USP53: variants seen among roughly 807,000 people sequenced by gnomAD.
The protein encoded by USP53 is ubiquitin carboxyl-terminal hydrolase 53.
USP53 carries 71 observed loss-of-function variants against 94.9 expected under a neutral mutation model. The observed-to-expected ratio is 0.75, with a 90% CI of 0.62 to 0.91. The LOEUF (loss-of-function observed/expected upper bound fraction) is 0.91. Among genes scored for constraint, USP53 ranks in the 40% least tolerant of loss-of-function variants. The probability of loss-of-function intolerance (pLI) is 0.00; values close to 1 mark genes in which losing one functional copy is unlikely to be tolerated. For synonymous variants in USP53, 375 were observed against 422.7 expected (o/e 0.89, Z 1.39); for missense variants, 1,173 against 1,281.0 (o/e 0.92, Z 1.29).
chr4:119,257,468 A>C (rs1749933847), intron 9 of USP53, among the ~76,000 whole-genome samples: 1 of 152,228 alleles, frequency 6.6e-6, no homozygotes, highest in Non-Finnish European at 1.5e-5. Context: ...AAAAGTTGGC[A>C]TGTGGTAAAC....
At chr4:119,237,352 A>G (rs1034358453) in intron 4 of USP53, among the ~76,000 whole-genome samples, 1 of 152,116 alleles carries the variant, frequency 6.6e-6, no homozygotes, top group African/African-American at 2.4e-5. Flanking sequence ...TTATGTCCTA[A>G]TAAGAGAGTC....
At position 119,293,192 on chromosome 4, in the gene USP53, G is replaced by A; in HGVS notation, c.3203G>A (p.Cys1068Tyr). Residue 1068 changes from cysteine to tyrosine, a missense_variant, in exon 19 of 19, where the codon TGT (cysteine) becomes TAT (tyrosine). Coordinates refer to ENST00000692078, the MANE Select transcript of USP53 (RefSeq NM_001371395.1). ...TCTTTTCCAGAGAGCAGTGGCTTTT[G>A]TAATAATTCACTATCTTAGAGTGAA... ...KLSFPESSGF[C>Y]NNSLS The A allele has an allele frequency of 6.2e-7, 1 of 1,601,624 alleles. No individual in the cohort carries two copies. The highest frequency in any genetic ancestry group is 8.5e-7 in the Non-Finnish European group (1 of 1,177,632).
chr4:119,237,323 C>T (rs575680579), intron 4 of USP53, among the ~76,000 whole-genome samples: 10 of 152,250 alleles, frequency 6.6e-5, no homozygotes, highest in African/African-American at 2.2e-4. Context: ...TTGGCTTCAA[C>T]TTGAAGTCAA....
chr4:119,267,440 G>A lies in USP53; in HGVS notation c.1093G>A (p.Val365Ile), dbSNP rs776731183. The A allele has an allele frequency of 2.3e-5, 37 of 1,613,572 alleles. No individual in the cohort carries two copies. Among genetic ancestry groups the A allele is most frequent in the Middle Eastern group, 1.6e-4 (1 of 6,080 alleles). The change falls in exon 13 of 19, where the codon GTC (valine) becomes ATC (isoleucine). Residue 365 changes from valine to isoleucine, a missense_variant. Coordinates refer to ENST00000692078, the MANE Select transcript of USP53 (RefSeq NM_001371395.1). ...TTCTACTGAGGATGCACTCAGGCAG[G>A]TCATCAGCTGGTCACATTACAAATC... ...AVSTEDALRQ[V>I]ISWSHYKSVA...
Position 119,260,617 on chromosome 4 carries a change from T to C in USP53, c.786T>C (p.Val262=). 1 of 1,613,736 alleles carries C rather than the reference T, an allele frequency of 6.2e-7. No homozygotes were observed. Among genetic ancestry groups the C allele is most frequent in the East Asian group, 2.2e-5 (1 of 44,856 alleles). ...DSEHSDLTEA[V]VRNLATHLYL... ...AGCATTCTGACTTGACCGAAGCTGT[T>C]GTTCGGAATCTAGCAACACATCTTT... Residue 262 remains valine, a synonymous_variant, in exon 11 of 19, where the codon GTT becomes GTC. Transcript: ENST00000692078.
In USP53 at chr4:119,248,737, TC is replaced by T; in HGVS notation, c.238-10del. 1.9e-6 allele frequency: 3 copies of T among 1,607,682 alleles called. No homozygotes were observed. The highest frequency in any genetic ancestry group is 2.5e-6 in the Non-Finnish European group (3 of 1,177,352). On this transcript the variant is annotated splice_polypyrimidine_tract_variant and intron_variant, in intron 6 of 18. Coordinates refer to ENST00000692078, the MANE Select transcript of USP53 (RefSeq NM_001371395.1). Reference sequence around the variant, plus strand: ...GGCATTAAACTTACTGATTTTCTTGTCGATTCCCAGACGATATTTGCACAGT... The same window carrying T: ...GGCATTAAACTTACTGATTTTCTTGTGATTCCCAGACGATATTTGCACAGT...
Position 119,271,291 on chromosome 4 carries a change from T to C in USP53, c.1436-5T>C. 6.5e-7 allele frequency: 1 copy of C among 1,534,058 alleles called. No homozygotes were observed. Among genetic ancestry groups the C allele is most frequent in the Non-Finnish European group, 8.7e-7 (1 of 1,146,436 alleles). On this transcript the variant is annotated splice_polypyrimidine_tract_variant and splice_region_variant and intron_variant, in intron 15 of 18. Coordinates refer to ENST00000692078, the MANE Select transcript of USP53 (RefSeq NM_001371395.1). Reference sequence around the variant, plus strand: ...TCATGTGTATCTTTAATTTTTTTTTTTAAGATTTGGTTGATGAAGACCTTT... The same window carrying C: ...TCATGTGTATCTTTAATTTTTTTTTCTAAGATTTGGTTGATGAAGACCTTT...
chr4:119,251,658 G>A (rs1005709035), intron 7 of USP53, among the ~76,000 whole-genome samples: 7 of 152,104 alleles, frequency 4.6e-5, no homozygotes, highest in Admixed American at 4.6e-4. Context: ...CTTCCATTTT[G>A]AATACCCTTC....
chr4:119,286,314 T>C (rs1203050872), intron 17 of USP53, among the ~76,000 whole-genome samples: 1 of 151,830 alleles, frequency 6.6e-6, no homozygotes, highest in Admixed American at 6.6e-5. Flanking sequence ...TTGGGTTTTT[T>C]TGTATACAGA....
At chr4:119,266,032 C>G (rs1348439227) in intron 12 of USP53, among the ~76,000 whole-genome samples, 1 of 152,176 alleles carries the variant, frequency 6.6e-6, no homozygotes, top group Non-Finnish European at 1.5e-5. Flanking sequence ...TGTTGTCATA[C>G]TCCCCACACC....
At chr4:119,285,391 T>C (rs370530076) in intron 17 of USP53, among the ~76,000 whole-genome samples, 3 of 151,878 alleles carry the variant, frequency 2.0e-5, no homozygotes, top group South Asian at 2.1e-4. Flanking sequence ...TATTAGGTCT[T>C]TCAAGAACTT....
intron 7 of USP53, among the ~76,000 whole-genome samples, chr4:119,250,938 G>A (rs1748905602): frequency 6.6e-6 from 1 of 151,776 alleles, no homozygotes; most frequent in Admixed American, 6.6e-5. Flanking sequence ...TAAGTTCTGG[G>A]TTACATGTGC....
At chr4:119,237,231 G>T (rs1377743303) in intron 4 of USP53, among the ~76,000 whole-genome samples, 2 of 152,154 alleles carry the variant, frequency 1.3e-5, no homozygotes, top group Admixed American at 1.3e-4. Context: ...TCCAGGCTTT[G>T]TTGTTCCATT....
At chr4:119,268,829 C>T (rs1751498952) in intron 14 of USP53, among the ~76,000 whole-genome samples, 1 of 152,156 alleles carries the variant, frequency 6.6e-6, no homozygotes. Flanking sequence ...TGTTCTTAAC[C>T]TCGTTTTTAT....
chr4:119,213,660 A>ATATGTGTGTGTGTGTGTG lies in USP53; in HGVS notation c.-941-409_-941-408insATGTGTGTGTGTGTGTGT. ...GAAATAGATATATATATATATATAT[A>ATATGTGTGTGTGTGTGTG]TGTGTGTGTGTGTATGTATGTATGT... On this transcript the variant is annotated intron_variant, in intron 1 of 18. Coordinates refer to ENST00000692078, the MANE Select transcript of USP53 (RefSeq NM_001371395.1). 6.5e-3 allele frequency among the ~76,000 whole-genome samples: 764 copies of ATATGTGTGTGTGTGTGTG among 117,772 alleles called. 27 individuals are homozygous for ATATGTGTGTGTGTGTGTG. The highest frequency in any genetic ancestry group is 0.026 in the African/African-American group (716 of 27,786). The allele number at this position is 117,772 out of a possible 152,430, so 77.3% of individuals were successfully genotyped here. A position where few individuals can be genotyped will look rare whatever the true frequency, so the allele number is the denominator to read the frequency against.
chr4:119,236,518 C>A (rs1209626240), intron 4 of USP53, among the ~76,000 whole-genome samples: 1 of 152,224 alleles, frequency 6.6e-6, no homozygotes, highest in Non-Finnish European at 1.5e-5. Context: ...CACCACAGAT[C>A]TTCTTTCAGA....
intron 17 of USP53, among the ~76,000 whole-genome samples, chr4:119,279,236 C>G (rs1379756622): frequency 2.5e-5 from 3 of 119,512 alleles, no homozygotes; most frequent in South Asian, 3.3e-4. Context: ...GTGGTTTTAT[C>G]TACTTTTGGT....
At chr4:119,231,005 T>C (rs1244743205) in intron 3 of USP53, among the ~76,000 whole-genome samples, 1 of 152,094 alleles carries the variant, frequency 6.6e-6, no homozygotes, top group Non-Finnish European at 1.5e-5. Context: ...TGTGAGTCAG[T>C]AGGTCAAGTC....
At position 119,293,892 on chromosome 4, in the gene USP53, T is replaced by G. The variant is rs1755035564; in HGVS notation, c.*681T>G. On this transcript the variant is annotated 3_prime_UTR_variant, in exon 19 of 19. Coordinates refer to ENST00000692078, the MANE Select transcript of USP53 (RefSeq NM_001371395.1). ...AAAAAGCCTTATATGATTAACAATT[T>G]GTAAGTTTTCAAGATCGGATGGAAT... The G allele has an allele frequency of 6.6e-6, 1 of 152,140 alleles. No homozygotes were observed. Among genetic ancestry groups the G allele is most frequent in the Non-Finnish European group, 1.5e-5 (1 of 67,982 alleles). 9.4% of individuals were successfully genotyped at this position (152,140 alleles called of 1,614,324 possible).
Sources: allele counts gnomAD v4.1 joint callset (sites outside exome capture counted in the v4.1 genomes callset), GRCh38; gene constraint gnomAD v4.1.1; transcripts MANE v1.5; gene names NCBI Gene and HGNC (gene_info 2026-07-23, HGNC 2026-07-21).